HS3ST4: variants seen among roughly 807,000 people sequenced by gnomAD.
HS3ST4 encodes the protein heparan sulfate glucosamine 3-O-sulfotransferase 4.
HS3ST4 carries 17 observed loss-of-function variants against 29.2 expected under a neutral mutation model. The ratio of observed to expected loss-of-function variants is 0.58; its 90% confidence interval spans 0.40 to 0.87. HS3ST4 has a LOEUF of 0.87. HS3ST4 is among the 40% of genes least tolerant of loss of function. The pLI, the probability that HS3ST4 is intolerant of heterozygous loss-of-function variation, is 0.00. For synonymous variants in HS3ST4, 314 were observed against 285.7 expected (o/e 1.10, Z -1.00); for missense variants, 627 against 634.5 (o/e 0.99, Z 0.13).
At chr16:25,693,304 G>T (rs1966271055) in intron 1 of HS3ST4, among the ~76,000 whole-genome samples, 153 bp downstream of exon 1, 1 of 152,164 alleles carries the variant, frequency 6.6e-6, no homozygotes, top group Admixed American at 6.5e-5. Flanking sequence ...GTTGCTCAGG[G>T]GGATCGGCTG....
intron 1 of HS3ST4, among the ~76,000 whole-genome samples, chr16:25,776,203 A>C (rs1966847424): frequency 6.6e-6 from 1 of 151,890 alleles, no homozygotes; most frequent in Non-Finnish European, 1.5e-5. Flanking sequence ...CAAATGCTTG[A>C]CTCAGTCACA....
At chr16:25,695,854 C>T (rs965389220) in intron 1 of HS3ST4, among the ~76,000 whole-genome samples, 2 of 152,122 alleles carry the variant, frequency 1.3e-5, no homozygotes, top group East Asian at 1.9e-4. Context: ...CTTCCAGTAG[C>T]CTATGAATTC....
At chr16:25,919,386 G>T (rs1254759794) in intron 1 of HS3ST4, among the ~76,000 whole-genome samples, 1 of 152,146 alleles carries the variant, frequency 6.6e-6, no homozygotes, top group Non-Finnish European at 1.5e-5. Context: ...ATAGGACATT[G>T]GGGGTGGGGG....
intron 1 of HS3ST4, among the ~76,000 whole-genome samples, chr16:25,747,729 G>A (rs1966693828): frequency 6.6e-6 from 1 of 152,176 alleles, no homozygotes; most frequent in Non-Finnish European, 1.5e-5. Flanking sequence ...ACTTACAGAG[G>A]TCTCCACTGC....
intron 1 of HS3ST4, among the ~76,000 whole-genome samples, chr16:25,887,771 C>G (rs1254929778): frequency 6.9e-6 from 1 of 144,788 alleles, no homozygotes; most frequent in Admixed American, 7.0e-5. Context: ...TATCTCGGCT[C>G]ACTGCCAGCT....
intron 1 of HS3ST4, among the ~76,000 whole-genome samples, chr16:26,102,623 A>C (rs1177615390): frequency 3.3e-5 from 5 of 152,060 alleles, no homozygotes; most frequent in Non-Finnish European, 5.9e-5. Context: ...CCTCCATCCC[A>C]CAATTGCCAT....
intron 1 of HS3ST4, among the ~76,000 whole-genome samples, chr16:25,943,674 T>C (rs946815843): frequency 1.3e-5 from 2 of 152,228 alleles, no homozygotes; most frequent in Admixed American, 6.5e-5. Flanking sequence ...ATTCCATTTT[T>C]AGCTCTGTTA....
chr16:25,792,358 T>C (rs926049692), intron 1 of HS3ST4, among the ~76,000 whole-genome samples: 1 of 151,952 alleles, frequency 6.6e-6, no homozygotes, highest in African/African-American at 2.4e-5. Flanking sequence ...TCAGGAATGT[T>C]TCGTGAAAAA....
intron 1 of HS3ST4, among the ~76,000 whole-genome samples, chr16:25,962,250 A>G (rs1363308374): frequency 6.6e-6 from 1 of 152,156 alleles, no homozygotes; most frequent in East Asian, 1.9e-4. Flanking sequence ...GGTCACTTTA[A>G]CTGTTGGAAC....
At position 25,744,646 on chromosome 16, in the gene HS3ST4, G is replaced by T. The variant is rs570370137; in HGVS notation, c.734+51495G>T. 5.9e-5 allele frequency among the ~76,000 whole-genome samples: 9 copies of T among 152,262 alleles called. No homozygotes were observed. In the South Asian group the frequency reaches 1.9e-3, roughly 32 times the overall value. Reference sequence around the variant, plus strand: ...TGCATTTACATTCTGATATGGTTTGGCTGTGTCCCCACCCAAATCTCATCT... The same window carrying T: ...TGCATTTACATTCTGATATGGTTTGTCTGTGTCCCCACCCAAATCTCATCT... On this transcript the variant is annotated intron_variant, in intron 1 of 1. Transcript: ENST00000331351.
intron 1 of HS3ST4, among the ~76,000 whole-genome samples, chr16:25,817,893 A>G (rs1967110557): frequency 6.6e-6 from 1 of 152,210 alleles, no homozygotes; most frequent in Non-Finnish European, 1.5e-5. Context: ...TATTTGTTAC[A>G]TCATTTAGGT....
At chr16:25,909,597 A>T (rs1483645883) in intron 1 of HS3ST4, among the ~76,000 whole-genome samples, 1 of 152,188 alleles carries the variant, frequency 6.6e-6, no homozygotes, top group Non-Finnish European at 1.5e-5. Flanking sequence ...ATAGCCTGCC[A>T]TCTACACATG....
At chr16:25,931,324 C>G (rs147548206) in intron 1 of HS3ST4, among the ~76,000 whole-genome samples, 1 of 152,278 alleles carries the variant, frequency 6.6e-6, no homozygotes, top group African/African-American at 2.4e-5. Flanking sequence ...CTGTGCTTCC[C>G]CTCCCTACAG....
intron 1 of HS3ST4, among the ~76,000 whole-genome samples, chr16:25,930,065 C>G (rs182485921): frequency 1.3e-5 from 2 of 152,332 alleles, no homozygotes; most frequent in South Asian, 4.1e-4. Flanking sequence ...TTTTGGTTCT[C>G]TGTTCCTGTG....
At chr16:25,964,349 G>C (rs1002636203) in intron 1 of HS3ST4, among the ~76,000 whole-genome samples, 1 of 152,022 alleles carries the variant, frequency 6.6e-6, no homozygotes, top group Non-Finnish European at 1.5e-5. Context: ...CTCTGCACAT[G>C]TACACCCAGA....
intron 1 of HS3ST4, among the ~76,000 whole-genome samples, chr16:25,961,258 G>A (rs1186977403): frequency 6.6e-6 from 1 of 152,204 alleles, no homozygotes. Flanking sequence ...TGGAAGGCAG[G>A]AGAATGTTAA....
intron 1 of HS3ST4, among the ~76,000 whole-genome samples, chr16:26,109,195 C>G (rs1036073235): frequency 1.3e-5 from 2 of 152,168 alleles, no homozygotes; most frequent in African/African-American, 2.4e-5. Context: ...ACAGCTAATT[C>G]CCTGTACCTT....
At chr16:25,776,896 T>A (rs571023258) in intron 1 of HS3ST4, among the ~76,000 whole-genome samples, 1 of 152,350 alleles carries the variant, frequency 6.6e-6, no homozygotes, top group South Asian at 2.1e-4. Flanking sequence ...GCTGACTAAG[T>A]CATGTTTGTC....
At position 25,862,412 on chromosome 16, in the gene HS3ST4, C is replaced by T. The variant is rs144459836; in HGVS notation, c.734+169261C>T. 2.9e-3 allele frequency among the ~76,000 whole-genome samples: 447 copies of T among 152,250 alleles called. 3 individuals are homozygous for T. Among genetic ancestry groups the T allele is most frequent in the African/African-American group, 0.01 (426 of 41,560 alleles). On this transcript the variant is annotated intron_variant, in intron 1 of 1. Transcript: ENST00000331351. ...TTCACTATATAGCCCAGGCTGGTCT[C>T]GAACTCTTGACCTCAAGTGATCCAC...
Sources: allele counts gnomAD v4.1 joint callset (sites outside exome capture counted in the v4.1 genomes callset), GRCh38; gene constraint gnomAD v4.1.1; transcripts MANE v1.5; gene names NCBI Gene and HGNC (gene_info 2026-07-23, HGNC 2026-07-21).